Variants in STAT3 observed in about 807,000 individuals in gnomAD.
The protein encoded by STAT3 is signal transducer and activator of transcription 3, also known as DNA-binding protein APRF.
In STAT3, 7 loss-of-function variants were observed where a neutral mutation model predicts 114.3. That is an observed-to-expected ratio of 0.06 (90% CI 0.03 to 0.11). STAT3 has a LOEUF of 0.11. Among genes scored for constraint, STAT3 ranks in the 10% least tolerant of loss-of-function variants. The pLI, the probability that STAT3 is intolerant of heterozygous loss-of-function variation, is 1.00. For missense variants in STAT3, 364 were observed against 960.9 expected (o/e 0.38, Z 8.21); for synonymous variants, 331 against 354.5 (o/e 0.93, Z 0.74).
intron 4 of STAT3, 199 bp downstream of exon 4, chr17:42,345,359 CT>C (rs1248911645): frequency 5.4e-5 from 30 of 551,688 alleles, no homozygotes; most frequent in South Asian, 2.1e-4. Context: ...GTGGAACTTT[CT>C]TTTTTTTAGA....
intron 4 of STAT3, among the ~76,000 whole-genome samples, chr17:42,340,412 A>G (rs2082395872): frequency 6.6e-6 from 1 of 151,666 alleles, no homozygotes; most frequent in South Asian, 2.1e-4. Context: ...CCCACCTATA[A>G]TCCTAGCACT....
At chr17:42,318,022 C>T (rs927056269) in intron 21 of STAT3, among the ~76,000 whole-genome samples, 3 of 152,122 alleles carry the variant, frequency 2.0e-5, no homozygotes, top group Admixed American at 6.6e-5. Context: ...GGCACAATCT[C>T]GGTTACCGCA....
intron 3 of STAT3, among the ~76,000 whole-genome samples, chr17:42,345,945 C>A (rs1355183523): frequency 6.6e-6 from 1 of 150,410 alleles, no homozygotes; most frequent in Non-Finnish European, 1.5e-5. Context: ...GCAATCACGG[C>A]TTATTGCAGC....
chr17:42,378,527 G>A (rs548469764), intron 1 of STAT3, among the ~76,000 whole-genome samples: 27 of 152,324 alleles, frequency 1.8e-4, no homozygotes, highest in African/African-American at 4.3e-4. Context: ...GATTACAGGC[G>A]TGAGCCATCG....
At position 42,322,333 on chromosome 17, in the gene STAT3, C is replaced by G. The variant is rs780466766; in HGVS notation, c.2050G>C (p.Gly684Arg). ...YPDIPKEEAFGKYCRPESQEH... is the reference protein window; with the variant it reads ...YPDIPKEEAFRKYCRPESQEH... ...TGGCTCTCTGGCCGACAATACTTTC[C>G]GAATGCCTCCTCCTTGGGAATGTCA... Residue 684 changes from glycine to arginine, a missense_variant, in exon 21 of 24, where the codon GGA becomes CGA. Gly to Arg is a moderately radical substitution (Grantham distance 125). Around this residue, in one of 5 missense-constraint regions of STAT3, gnomAD observed 21 missense variants for 43.2 expected, o/e 0.49. Coordinates refer to ENST00000264657, the MANE Select transcript of STAT3 (RefSeq NM_139276.3). 3.4e-5 allele frequency: 55 copies of G among 1,614,098 alleles called. No homozygotes were observed. The highest frequency in any genetic ancestry group is 4.7e-5 in the Non-Finnish European group (55 of 1,180,052).
intron 1 of STAT3, among the ~76,000 whole-genome samples, chr17:42,363,775 G>A (rs2083637539): frequency 6.6e-6 from 1 of 151,958 alleles, no homozygotes; most frequent in South Asian, 2.1e-4. Flanking sequence ...CATAAGTGTT[G>A]TCTTCCTTCA....
intron 4 of STAT3, among the ~76,000 whole-genome samples, chr17:42,344,161 G>A (rs1239069867): frequency 1.3e-5 from 2 of 152,128 alleles, no homozygotes; most frequent in Non-Finnish European, 2.9e-5. Context: ...GGTTGCTCAC[G>A]CCTGTAATCC....
At chr17:42,346,482 A>G in intron 3 of STAT3, 87 bp downstream of exon 3, 2 of 1,589,044 alleles carry the variant, frequency 1.3e-6, no homozygotes, top group South Asian at 1.1e-5. Context: ...TACTTAGCCA[A>G]ATGAGAAAAG....
chr17:42,361,873 T>C (rs2083528265), intron 1 of STAT3, among the ~76,000 whole-genome samples: 1 of 152,220 alleles, frequency 6.6e-6, no homozygotes, highest in South Asian at 2.1e-4. Flanking sequence ...TCCCTCAGGC[T>C]GCAATAATCC....
At position 42,324,498 on chromosome 17, in the gene STAT3, C is replaced by T. The variant is rs1308406516; in HGVS notation, c.1600+213G>A. Among the ~76,000 whole-genome samples, 1 of 152,074 alleles carries T rather than the reference C, an allele frequency of 6.6e-6. No homozygotes were observed. The highest frequency in any genetic ancestry group is 1.5e-5 in the Non-Finnish European group (1 of 68,018). ...CAACCAGGAGAAAAGAAATCTACCT[C>T]CCACCTCAAAAATGATCACCTCGAC... On this transcript the variant is annotated intron_variant, in intron 17 of 23. Transcript: ENST00000264657. This position sits in a 1 kb window ranked among gnomAD's most constrained non-coding sequence, Gnocchi z 4.5.
intron 2 of STAT3, 76 bp downstream of exon 2, chr17:42,348,313 C>T (rs1005348743): frequency 2.3e-5 from 36 of 1,580,368 alleles, no homozygotes; most frequent in Non-Finnish European, 3.0e-5. Flanking sequence ...AACAGCAAGG[C>T]ATGACATTAA....
rs937575580 is a variant in STAT3, at chr17:42,314,348, T to C, written c.*1397A>G. On this transcript the variant is annotated 3_prime_UTR_variant, in exon 24 of 24. Coordinates refer to ENST00000264657, the MANE Select transcript of STAT3 (RefSeq NM_139276.3). Reference sequence around the variant, plus strand: ...CGCTGGGGCCCCATAGTGTGCATCATGTCCAACCTGTAACTCTCTCCCCCT... The same window carrying C: ...CGCTGGGGCCCCATAGTGTGCATCACGTCCAACCTGTAACTCTCTCCCCCT... 1.3e-5 allele frequency: 3 copies of C among 233,102 alleles called. No homozygotes were observed. Among genetic ancestry groups the C allele is most frequent in the Non-Finnish European group, 2.5e-5 (3 of 117,734 alleles). 14.4% of individuals were successfully genotyped at this position (233,102 alleles called of 1,614,324 possible).
intron 1 of STAT3, among the ~76,000 whole-genome samples, chr17:42,355,460 G>A (rs1234725146): frequency 6.6e-6 from 1 of 152,152 alleles, no homozygotes; most frequent in Non-Finnish European, 1.5e-5. Context: ...GACATTATAT[G>A]GGGCTCAATT....
chr17:42,355,770 G>C (rs2083195548), intron 1 of STAT3, among the ~76,000 whole-genome samples: 1 of 152,148 alleles, frequency 6.6e-6, no homozygotes, highest in Non-Finnish European at 1.5e-5. Flanking sequence ...GAAACCAAAA[G>C]ATATATTGAG....
intron 1 of STAT3, among the ~76,000 whole-genome samples, chr17:42,364,511 C>G (rs1298733422): frequency 6.6e-6 from 1 of 152,168 alleles, no homozygotes; most frequent in Non-Finnish European, 1.5e-5. Context: ...ATCCACTGAT[C>G]TAAAATGCTA....
chr17:42,317,299 G>T lies in STAT3; in HGVS notation c.2102-75C>A, dbSNP rs999830769. On this transcript the variant is annotated intron_variant, in intron 21 of 23. Coordinates refer to ENST00000264657, the MANE Select transcript of STAT3 (RefSeq NM_139276.3). ...TAAGCAGAGCTGGAGGAAGCCATCT[G>T]CCTCGGCAGGACTGATTTGAAACTC... 118 of 1,530,692 alleles carry T rather than the reference G, an allele frequency of 7.7e-5. 1 individual carries two copies. The South Asian group carries it at 9.8e-4, about 13-fold the overall frequency. 94.8% of individuals were successfully genotyped at this position (1,530,692 alleles called of 1,614,324 possible).
At chr17:42,361,723 T>C (rs1028502930) in intron 1 of STAT3, among the ~76,000 whole-genome samples, 9 of 152,172 alleles carry the variant, frequency 5.9e-5, no homozygotes, top group South Asian at 2.1e-4. Context: ...GTAGAGACTG[T>C]ACAAGGAGAC....
Position 42,345,971 on chromosome 17 carries a change from T to C in STAT3, c.274-314A>G, listed in dbSNP as rs140277870. Among the ~76,000 whole-genome samples the C allele has an allele frequency of 9.4e-5, 14 of 149,694 alleles. 1 individual carries two copies. Among genetic ancestry groups the C allele is most frequent in the African/African-American group, 2.5e-4 (10 of 40,408 alleles). On this transcript the variant is annotated intron_variant, in intron 3 of 23. Transcript: ENST00000264657. ...TTATTGCAGCTTCGACCTCCCAGGC[T>C]CAAACAATTTTCTCACCTCAGCCTT... is the stretch of plus-strand genomic sequence containing the variant.
chr17:42,331,570 A>T, intron 10 of STAT3, 39 bp from the exon 11 acceptor site: 1 of 1,508,146 alleles, frequency 6.6e-7, no homozygotes, highest in Non-Finnish European at 9.2e-7. Context: ...AAAAGTCAGT[A>T]ACTCTCCCAT....
Sources: gnomAD v4.1 joint callset for allele counts (sites outside exome capture counted in the v4.1 genomes callset) on GRCh38, gnomAD v4.1.1 for gene constraint, gnomAD v4.1.1 regional missense constraint, Gnocchi (gnomAD v3.1) non-coding constraint, MANE v1.5 for transcripts, NCBI Gene and HGNC (gene_info 2026-07-23, HGNC 2026-07-21) for gene names.